The following TMEM132B variants were observed in gnomAD, a reference collection of about 807,000 sequenced individuals.
The protein encoded by TMEM132B is transmembrane protein 132B.
A neutral mutation model predicts 90.8 loss-of-function variants in TMEM132B; 18 were observed. The observed-to-expected ratio is 0.20, with a 90% CI of 0.14 to 0.29. The LOEUF is 0.29. TMEM132B is among the 10% of genes least tolerant of loss of function. The probability of loss-of-function intolerance (pLI) is 1.00; values close to 1 mark genes in which losing one functional copy is unlikely to be tolerated. For synonymous variants in TMEM132B, 504 were observed against 523.3 expected, an observed-to-expected ratio of 0.96 and a Z score of 0.50; for missense variants, 1,096 against 1,326.8, an observed-to-expected ratio of 0.83 and a Z score of 2.70.
chr12:125,287,351 T>C (rs900815746), intron 1 of TMEM132B, among the ~76,000 whole-genome samples: 6 of 152,210 alleles, frequency 3.9e-5, no homozygotes, highest in African/African-American at 1.4e-4. Context: ...AGGTAACATC[T>C]TCACAGGTTC....
At position 125,341,436 on chromosome 12, in the gene TMEM132B, A is replaced by G. The variant is rs191798519; in HGVS notation, c.68-8016A>G. Reference sequence around the variant, plus strand: ...TTTTAATACCTGCAAAATGCTTAGTATATATAAATGATGATGATAATGATA... The same window carrying G: ...TTTTAATACCTGCAAAATGCTTAGTGTATATAAATGATGATGATAATGATA... On this transcript the variant is annotated intron_variant, in intron 1 of 8. Coordinates refer to ENST00000682704, the MANE Select transcript of TMEM132B (RefSeq NM_001366854.1). 4.4e-4 allele frequency among the ~76,000 whole-genome samples: 67 copies of G among 152,370 alleles called. 1 individual carries two copies. The East Asian group carries it at 0.011, about 26-fold the overall frequency.
intron 3 of TMEM132B, among the ~76,000 whole-genome samples, chr12:125,433,693 T>C (rs544846480): frequency 9.6e-5 from 11 of 114,880 alleles, no homozygotes; most frequent in Non-Finnish European, 6.6e-5. Context: ...TTATTCACAA[T>C]AGCAAAGACT....
At chr12:125,329,762 C>T (rs542147999) in intron 1 of TMEM132B, among the ~76,000 whole-genome samples, 1 of 152,334 alleles carries the variant, frequency 6.6e-6, no homozygotes, top group African/African-American at 2.4e-5. Context: ...CCTTGACACT[C>T]AGGTGGCCAA....
Position 125,241,762 on chromosome 12 carries a change from C to T in TMEM132B, c.67+54896C>T, listed in dbSNP as rs549821955. Among the ~76,000 whole-genome samples the T allele has an allele frequency of 1.2e-4, 19 of 152,294 alleles. No individual in the cohort carries two copies. The East Asian group carries it at 2.7e-3, about 22-fold the overall frequency. ...TCCAGTCCATGGCGATTTGTCATGGCACCCCTAGGAAACTAACACAGTTTC... is the reference window on the plus strand; with the variant it reads ...TCCAGTCCATGGCGATTTGTCATGGTACCCCTAGGAAACTAACACAGTTTC... On this transcript the variant is annotated intron_variant, in intron 1 of 8. Transcript: ENST00000682704.
intron 4 of TMEM132B, among the ~76,000 whole-genome samples, chr12:125,564,364 A>G (rs1450495336): frequency 6.6e-6 from 1 of 152,208 alleles, no homozygotes; most frequent in Non-Finnish European, 1.5e-5. Flanking sequence ...CAGTGTGAAA[A>G]AATAGAGAAT....
chr12:125,527,669 T>C (rs1463962003), intron 4 of TMEM132B, among the ~76,000 whole-genome samples: 9 of 85,536 alleles, frequency 1.1e-4, no homozygotes, highest in African/African-American at 2.2e-4. Flanking sequence ...CCCTTCCATT[T>C]ACCCATTCAC....
chr12:125,233,811 G>T (rs972365415), intron 1 of TMEM132B, among the ~76,000 whole-genome samples: 4 of 152,136 alleles, frequency 2.6e-5, no homozygotes, highest in Admixed American at 1.3e-4. Context: ...TTATGCTAAG[G>T]ACCCTCTTCC....
chr12:125,213,618 A>G lies in TMEM132B; in HGVS notation c.67+26752A>G, dbSNP rs1176925897. Among the ~76,000 whole-genome samples, 1 of 152,224 alleles carries G rather than the reference A, an allele frequency of 6.6e-6. No individual in the cohort carries two copies. The highest frequency in any genetic ancestry group is 1.5e-5 in the Non-Finnish European group (1 of 68,034). ...GGCTTCTCCAGCCTAGACCTTCTCT[A>G]TAAATTACTGTGTGATTTTTCTGTC... On this transcript the variant is annotated intron_variant, in intron 1 of 8. Coordinates refer to ENST00000682704, the MANE Select transcript of TMEM132B (RefSeq NM_001366854.1). The surrounding 1 kb of genome is among the most constrained non-coding windows in gnomAD (Gnocchi z 4.2).
chr12:125,589,117 T>A (rs1885246202), intron 5 of TMEM132B, among the ~76,000 whole-genome samples: 1 of 152,204 alleles, frequency 6.6e-6, no homozygotes, highest in African/African-American at 2.4e-5. Context: ...CAAAATATTG[T>A]TTGGATATTT....
intron 5 of TMEM132B, among the ~76,000 whole-genome samples, chr12:125,600,481 C>T (rs936599120): frequency 5.9e-5 from 9 of 152,296 alleles, no homozygotes; most frequent in Middle Eastern, 3.4e-3. Flanking sequence ...ATCTGTCTCT[C>T]ACAGTAGAAA....
At chr12:125,323,367 C>T (rs750162689) in intron 1 of TMEM132B, among the ~76,000 whole-genome samples, 9 of 152,044 alleles carry the variant, frequency 5.9e-5, no homozygotes, top group Non-Finnish European at 1.2e-4. Flanking sequence ...ACCCGGGAGG[C>T]GGAGGTTACA....
intron 4 of TMEM132B, among the ~76,000 whole-genome samples, chr12:125,577,291 A>G (rs1260616505): frequency 6.6e-6 from 1 of 151,390 alleles, no homozygotes; most frequent in Non-Finnish European, 1.5e-5. Flanking sequence ...GTATTCCTCT[A>G]TAATTTTTTT....
chr12:125,501,216 G>A (rs992017031), intron 3 of TMEM132B, among the ~76,000 whole-genome samples: 2 of 152,096 alleles, frequency 1.3e-5, no homozygotes, highest in African/African-American at 4.8e-5. Context: ...AGATACCCAC[G>A]TAAATATGAA....
At chr12:125,603,546 G>A (rs1885618656) in intron 5 of TMEM132B, among the ~76,000 whole-genome samples, 1 of 152,122 alleles carries the variant, frequency 6.6e-6, no homozygotes, top group Non-Finnish European at 1.5e-5. Context: ...TATGGGCAAA[G>A]ACTTCATGAT....
chr12:125,448,116 T>C (rs1881054156), intron 3 of TMEM132B, among the ~76,000 whole-genome samples: 1 of 152,036 alleles, frequency 6.6e-6, no homozygotes, highest in African/African-American at 2.4e-5. Context: ...ATACAAAAAT[T>C]AGCTGGGCAT....
chr12:125,617,526 G>A (rs958713248), intron 5 of TMEM132B, among the ~76,000 whole-genome samples: 4 of 151,894 alleles, frequency 2.6e-5, no homozygotes, highest in African/African-American at 7.3e-5. Context: ...TGTATTTTTA[G>A]TAGAGACGGG....
At chr12:125,201,029 T>C (rs182062955) in intron 1 of TMEM132B, among the ~76,000 whole-genome samples, 22 of 152,336 alleles carry the variant, frequency 1.4e-4, no homozygotes, top group African/African-American at 5.1e-4. Flanking sequence ...AATGGAAAAC[T>C]GTCTAAAAAG....
intron 2 of TMEM132B, among the ~76,000 whole-genome samples, chr12:125,369,942 G>A (rs541640101): frequency 3.3e-5 from 5 of 152,236 alleles, no homozygotes; most frequent in African/African-American, 7.2e-5. Flanking sequence ...CCAGCTACTC[G>A]GGAGTCTGAG....
intron 1 of TMEM132B, among the ~76,000 whole-genome samples, chr12:125,321,218 T>C (rs1876417940): frequency 6.6e-6 from 1 of 152,232 alleles, no homozygotes; most frequent in Non-Finnish European, 1.5e-5. Context: ...CTAACTGTTA[T>C]GTGACATCTC....
Sources: allele counts gnomAD v4.1 joint callset (sites outside exome capture counted in the v4.1 genomes callset), GRCh38; gene constraint gnomAD v4.1.1; non-coding constraint Gnocchi (gnomAD v3.1); transcripts MANE v1.5; gene names NCBI Gene and HGNC (gene_info 2026-07-23, HGNC 2026-07-21).